The following RAB25 variants were observed in gnomAD, a reference collection of about 807,000 sequenced individuals.
RAB25 encodes ras-related protein Rab-25.
Under a neutral mutation model 25.2 loss-of-function variants are expected in RAB25, and 23 were observed. The observed-to-expected ratio is 0.91, with a 90% confidence interval of 0.66 to 1.29. The LOEUF (loss-of-function observed/expected upper bound fraction) is 1.29. RAB25 is among the 50% of genes most tolerant of loss of function. The pLI, the probability that RAB25 is intolerant of heterozygous loss-of-function variation, is 0.00. For missense variants in RAB25, 244 were observed against 277.3 expected (o/e 0.88, Z 0.85); for synonymous variants, 102 against 111.5 (o/e 0.91, Z 0.54).
intron 1 of RAB25, among the ~76,000 whole-genome samples, chr1:156,064,276 T>C (rs929340999): frequency 3.9e-5 from 6 of 152,226 alleles, no homozygotes; most frequent in African/African-American, 9.6e-5. Context: ...ACAATTTCAC[T>C]GTCACCCAGG....
intron 4 of RAB25, 199 bp from the exon 5 acceptor site, chr1:156,069,961 C>T: frequency 1.1e-6 from 1 of 897,472 alleles, no homozygotes; most frequent in Non-Finnish European, 1.8e-6. Context: ...CCCCATGGGG[C>T]TGACTCTTGG....
At chr1:156,069,525 C>G (rs180940659) in intron 3 of RAB25, 146 bp from the exon 4 acceptor site, 2 of 678,314 alleles carry the variant, frequency 2.9e-6, no homozygotes, top group East Asian at 5.3e-5. Context: ...TCTAAATGAA[C>G]CTACCTTGTA....
intron 3 of RAB25, among the ~76,000 whole-genome samples, chr1:156,069,220 C>T (rs1218691626): frequency 6.6e-6 from 1 of 152,120 alleles, no homozygotes; most frequent in Non-Finnish European, 1.5e-5. Flanking sequence ...CTCGCTCCGT[C>T]ACCCAGGCTG....
Position 156,068,387 on chromosome 1 carries a change from C to T in RAB25, c.357C>T (p.Val119=), listed in dbSNP as rs777663663. 1.1e-5 allele frequency: 17 copies of T among 1,613,952 alleles called. No individual in the cohort carries two copies. Among genetic ancestry groups the T allele is most frequent in the East Asian group, 8.9e-5 (4 of 44,890 alleles). The change falls in exon 3 of 5, where the codon GTC becomes GTT. Residue 119 remains valine (V), a synonymous_variant. Coordinates refer to ENST00000361084, the MANE Select transcript of RAB25 (RefSeq NM_020387.4). ...ATGACCATGCTGAAGCCACGATCGT[C>T]GTCATGCTCGTGGGTAACAAAAGTG... is the stretch of plus-strand genomic sequence containing the variant. ...ELYDHAEATI[V]VMLVGNKSDL...
intron 1 of RAB25, among the ~76,000 whole-genome samples, chr1:156,062,870 A>T (rs1197242028): frequency 6.6e-6 from 1 of 151,886 alleles, no homozygotes; most frequent in Admixed American, 6.6e-5. Flanking sequence ...CCTGGCCAAC[A>T]TGGGGAAACC....
intron 2 of RAB25, among the ~76,000 whole-genome samples, chr1:156,067,880 G>A (rs1270471834): frequency 6.6e-6 from 1 of 152,220 alleles, no homozygotes; most frequent in Non-Finnish European, 1.5e-5. Context: ...AGCCTTCCGA[G>A]TAGCTGGGAT....
rs1647874767 is a variant in RAB25 at position 156,070,462 on chromosome 1, C to T, written c.*175C>T. ...ACAAATACCTCTTTTATCTGTCCAC[C>T]CCTCACAGACTAGGACCCTCAAATA... On this transcript the variant is annotated 3_prime_UTR_variant, in exon 5 of 5. Coordinates refer to ENST00000361084, the MANE Select transcript of RAB25 (RefSeq NM_020387.4). 1 of 801,574 alleles carries T rather than the reference C, an allele frequency of 1.2e-6. No homozygotes were observed. Among genetic ancestry groups the T allele is most frequent in the Non-Finnish European group, 1.9e-6 (1 of 516,838 alleles). The allele number at this position is 801,574 out of a possible 1,614,324, so 49.7% of individuals were successfully genotyped here. A position where few individuals can be genotyped will look rare whatever the true frequency, so the allele number is the denominator to read the frequency against.
At position 156,065,973 on chromosome 1, in the gene RAB25, G is replaced by A. The variant is rs748885436; in HGVS notation, c.106G>A (p.Glu36Lys). Residue 36 changes from glutamate to lysine, a missense_variant, in exon 2 of 5, where the codon GAG becomes AAG. By Grantham distance (56) the Glu-to-Lys change is moderately conservative. Transcript: ENST00000361084. ...TCTACTCTCCCGATTCACGCGCAAT[G>A]AGTTCAGCCACGACAGCCGCACCAC... ...TNLLSRFTRNEFSHDSRTTIG... is the reference protein window; with the variant it reads ...TNLLSRFTRNKFSHDSRTTIG... 5 of 1,613,810 alleles carry A rather than the reference G, an allele frequency of 3.1e-6. No homozygotes were observed. Among genetic ancestry groups the A allele is most frequent in the African/African-American group, 1.3e-5 (1 of 74,914 alleles).
intron 1 of RAB25, among the ~76,000 whole-genome samples, chr1:156,061,977 G>A (rs945414389): frequency 2.0e-5 from 3 of 151,736 alleles, no homozygotes; most frequent in Non-Finnish European, 4.4e-5. Flanking sequence ...TAGAGACGGG[G>A]TTTCACCATA....
At chr1:156,063,659 AC>A (rs1298239504) in intron 1 of RAB25, among the ~76,000 whole-genome samples, 1 of 152,212 alleles carries the variant, frequency 6.6e-6, no homozygotes, top group Admixed American at 6.5e-5. Context: ...CCAGAGGCAG[AC>A]GCTGAAGGAG....
intron 1 of RAB25, among the ~76,000 whole-genome samples, chr1:156,063,441 G>A (rs1647650604): frequency 6.6e-6 from 1 of 152,154 alleles, no homozygotes; most frequent in South Asian, 2.1e-4. Context: ...GTGAGCCACC[G>A]CGCCCAGCTC....
At chr1:156,064,053 C>T (rs753457388) in intron 1 of RAB25, among the ~76,000 whole-genome samples, 3 of 152,096 alleles carry the variant, frequency 2.0e-5, no homozygotes, top group East Asian at 3.8e-4. Context: ...TGTGGTATGA[C>T]GCTAGGGCTG....
intron 1 of RAB25, among the ~76,000 whole-genome samples, chr1:156,063,898 A>T (rs1173788635): frequency 6.6e-6 from 1 of 152,270 alleles, no homozygotes; most frequent in Non-Finnish European, 1.5e-5. Flanking sequence ...AAAGCTTTTA[A>T]CGACACTGCC....
rs1467695863 is a variant in RAB25, at chr1:156,070,245, G to A, written c.600G>A (p.Glu200=). 1 of 1,614,092 alleles carries A rather than the reference G, an allele frequency of 6.2e-7. No homozygotes were observed. The highest frequency in any genetic ancestry group is 1.1e-5 in the South Asian group (1 of 91,086). Residue 200 remains glutamate, a synonymous_variant, in exon 5 of 5, where the codon GAG becomes GAA. Transcript: ENST00000361084. ...ITLGSAQAGQ[E]PGPGEKRACC... ...TGGGCAGTGCCCAGGCTGGACAGGAGCCTGGCCCTGGGGAGAAGAGGGCCT... is the reference window on the plus strand; with the variant it reads ...TGGGCAGTGCCCAGGCTGGACAGGAACCTGGCCCTGGGGAGAAGAGGGCCT...
intron 1 of RAB25, among the ~76,000 whole-genome samples, chr1:156,062,762 C>T (rs892979970): frequency 6.6e-6 from 1 of 152,074 alleles, no homozygotes; most frequent in Non-Finnish European, 1.5e-5. Context: ...ACAAGTATTG[C>T]GGGTTGGTCA....
At chr1:156,067,010 C>A (rs1219323641) in intron 2 of RAB25, among the ~76,000 whole-genome samples, 1 of 151,598 alleles carries the variant, frequency 6.6e-6, no homozygotes, top group East Asian at 1.9e-4. Context: ...CCGAGGCGGG[C>A]AGATCACAAG....
intron 2 of RAB25, among the ~76,000 whole-genome samples, chr1:156,067,352 G>A (rs1352015246): frequency 1.3e-5 from 2 of 152,186 alleles, no homozygotes; most frequent in African/African-American, 4.8e-5. Context: ...CAGGAAGCAA[G>A]AGTCAGGGGC....
intron 3 of RAB25, among the ~76,000 whole-genome samples, chr1:156,069,213 G>A (rs368296171): frequency 1.2e-4 from 18 of 151,946 alleles, no homozygotes; most frequent in East Asian, 9.7e-4. Flanking sequence ...GAGGAGTCTC[G>A]CTCCGTCACC....
At chr1:156,062,444 C>T (rs1181390829) in intron 1 of RAB25, among the ~76,000 whole-genome samples, 1 of 152,248 alleles carries the variant, frequency 6.6e-6, no homozygotes, top group African/African-American at 2.4e-5. Flanking sequence ...AGGGTGGACT[C>T]TCCAGCCACC....
Sources: allele counts gnomAD v4.1 joint callset (sites outside exome capture counted in the v4.1 genomes callset), GRCh38; gene constraint gnomAD v4.1.1; transcripts MANE v1.5; gene names NCBI Gene and HGNC (gene_info 2026-07-23, HGNC 2026-07-21).